Variants in FYCO1 observed in about 807,000 individuals in gnomAD.
The protein encoded by FYCO1 is FYVE and coiled-coil domain autophagy adaptor 1.
In FYCO1, 122 loss-of-function variants were observed where a neutral mutation model predicts 165.1. The observed-to-expected ratio is 0.74, with a 90% CI of 0.64 to 0.86. FYCO1 has a LOEUF of 0.86. Among genes scored for constraint, FYCO1 ranks in the 40% least tolerant of loss-of-function variants. The probability of loss-of-function intolerance (pLI) is 0.00; values close to 1 mark genes in which losing one functional copy is unlikely to be tolerated. For missense variants in FYCO1, 1,702 were observed against 1,810.3 expected, an observed-to-expected ratio of 0.94 and a Z score of 1.09; for synonymous variants, 648 against 742.5, an observed-to-expected ratio of 0.87 and a Z score of 2.07.
chr3:45,931,403 G>T, intron 15 of FYCO1, 122 bp from the exon 16 acceptor site: 1 of 877,686 alleles, frequency 1.1e-6, no homozygotes, highest in Non-Finnish European at 1.9e-6. Flanking sequence ...GACAAGCCCT[G>T]GGTAACCTTG....
At chr3:45,984,815 C>T in intron 2 of FYCO1, 41 bp downstream of exon 2, 1 of 1,609,058 alleles carries the variant, frequency 6.2e-7, no homozygotes, top group Non-Finnish European at 8.5e-7. Context: ...TGCCACAAGT[C>T]CCTCAAAACC....
chr3:45,938,963 C>T (rs1281862988), intron 14 of FYCO1, among the ~76,000 whole-genome samples: 1 of 152,214 alleles, frequency 6.6e-6, no homozygotes, highest in African/African-American at 2.4e-5. Flanking sequence ...TAGAGGGCAC[C>T]CCACCTCCTA....
chr3:45,923,239 T>G (rs759697637), intron 17 of FYCO1, among the ~76,000 whole-genome samples: 4 of 152,246 alleles, frequency 2.6e-5, no homozygotes, highest in Non-Finnish European at 5.9e-5. Context: ...TTTCTCCCTT[T>G]CTCGTTCATT....
intron 1 of FYCO1, among the ~76,000 whole-genome samples, chr3:45,995,122 G>C (rs559705416): frequency 6.7e-6 from 1 of 148,778 alleles, no homozygotes; most frequent in East Asian, 2.1e-4. Flanking sequence ...GAGACAACAG[G>C]TGTTTCGGGA....
At position 45,921,416 on chromosome 3, in the gene FYCO1, C is replaced by T; in HGVS notation, c.*349G>A. On this transcript the variant is annotated 3_prime_UTR_variant, in exon 18 of 18. Transcript: ENST00000296137. ...TCCACAGGCAGAAGTTGGAATCACC[C>T]CTGCCCGTGAAACTCTCCACAAGAG... 2.8e-6 allele frequency: 1 copy of T among 353,214 alleles called. No homozygotes were observed. The highest frequency in any genetic ancestry group is 5.5e-6 in the Non-Finnish European group (1 of 181,672). The allele number at this position is 353,214 out of a possible 1,614,324, so 21.9% of individuals were successfully genotyped here. A position where few individuals can be genotyped will look rare whatever the true frequency, so the allele number is the denominator to read the frequency against.
Position 45,975,307 on chromosome 3 carries a change from G to A in FYCO1, c.327C>T (p.Arg109=). The A allele has an allele frequency of 6.2e-7, 1 of 1,614,122 alleles. No individual in the cohort carries two copies. Among genetic ancestry groups the A allele is most frequent in the Non-Finnish European group, 8.5e-7 (1 of 1,179,976 alleles). ...CCAACCTCTGGTGCACCAAGGAGTA[G>A]CGAATAAATGCTCTTCCTTTCCCCA... is the stretch of plus-strand genomic sequence containing the variant. ...TSLGKGRAFI[R]YSLVHQRLAD... The change falls in exon 5 of 18, where the codon CGC becomes CGT. Residue 109 remains arginine, a synonymous_variant. Coordinates refer to ENST00000296137, the MANE Select transcript of FYCO1 (RefSeq NM_024513.4).
rs142801056 is a variant in FYCO1 at position 45,928,649 on chromosome 3, G to A, written c.4251+2422C>T. On this transcript the variant is annotated intron_variant, in intron 16 of 17. Transcript: ENST00000296137. ...TTCTCCTCAAGCCCACAGGTCCCTC[G>A]CCTCACCTCACAATGCTGCTTCTGG... Among the ~76,000 whole-genome samples the A allele has an allele frequency of 4.7e-3, 716 of 152,150 alleles. 9 individuals carry two copies. The highest frequency in any genetic ancestry group is 0.013 in the African/African-American group (556 of 41,496).
intron 8 of FYCO1, among the ~76,000 whole-genome samples, chr3:45,965,343 C>T (rs537760554): frequency 1.3e-5 from 2 of 152,296 alleles, no homozygotes; most frequent in East Asian, 3.9e-4. Flanking sequence ...TTAATTTCCG[C>T]AAGGGAAAAA....
At position 45,955,361 on chromosome 3, in the gene FYCO1, C is replaced by T. The variant is rs1025398210; in HGVS notation, c.3832G>A (p.Ala1278Thr). The change falls in exon 14 of 18, where the codon GCT becomes ACT. Residue 1278 changes from alanine (A) to threonine (T), a missense_variant. Coordinates refer to ENST00000296137, the MANE Select transcript of FYCO1 (RefSeq NM_024513.4). The part of the protein sequence containing the change: ...ANTDYRPPDD[A>T]VFDIITDEEL... ...TCATCTGTGATGATATCAAACACAG[C>T]GTCGTCCGGTGGCCTGTAGTCTGTA... The T allele has an allele frequency of 2.7e-5, 43 of 1,614,014 alleles. No individual in the cohort carries two copies. Among genetic ancestry groups the T allele is most frequent in the East Asian group, 4.5e-5 (2 of 44,892 alleles).
At chr3:45,933,978 T>G (rs1703761438) in intron 15 of FYCO1, among the ~76,000 whole-genome samples, 1 of 150,810 alleles carries the variant, frequency 6.6e-6, no homozygotes, top group African/African-American at 2.4e-5. Context: ...AACTAAATAA[T>G]TACAATAACC....
At chr3:45,954,953 C>T (rs182679731) in intron 14 of FYCO1, among the ~76,000 whole-genome samples, 27 of 152,264 alleles carry the variant, frequency 1.8e-4, no homozygotes, top group African/African-American at 4.1e-4. Context: ...ACCCGGTCTG[C>T]GGTATTTTAT....
intron 14 of FYCO1, chr3:45,938,348 A>C: frequency 3.2e-6 from 2 of 634,264 alleles, no homozygotes; most frequent in Non-Finnish European, 5.1e-6. Flanking sequence ...AGGTTTTCAA[A>C]CTGTAGGTCA....
chr3:45,973,321 C>A (rs1378253994), intron 5 of FYCO1, 90 bp from the exon 6 acceptor site: 3 of 1,291,642 alleles, frequency 2.3e-6, no homozygotes, highest in East Asian at 2.4e-5. Context: ...CATCGAATTC[C>A]AACTCAGGTT....
At position 45,979,766 on chromosome 3, in the gene FYCO1, G is replaced by A; in HGVS notation, c.227C>T (p.Ala76Val). 2 of 1,614,000 alleles carry A rather than the reference G, an allele frequency of 1.2e-6. No individual in the cohort carries two copies. The highest frequency in any genetic ancestry group is 2.7e-5 in the African/African-American group (2 of 75,052). The change falls in exon 4 of 18, where the codon GCC (alanine) becomes GTC (valine). Residue 76 changes from alanine to valine, a missense_variant. Transcript: ENST00000296137. ...GGCTCCTTTCACCTTGGCCAGGCAG[G>A]CACAGAAGTAATCCCAGTAGTCCTT... The part of the protein sequence containing the change: ...NKKDYWDYFC[A>V]CLAKVKGAND...
At chr3:45,965,264 TTTA>T (rs1350059677) in intron 8 of FYCO1, 139 bp from the exon 9 acceptor site, 7 of 669,090 alleles carry the variant, frequency 1.0e-5, no homozygotes, top group African/African-American at 1.8e-5. Flanking sequence ...GAGCTTTGGG[TTTA>T]TTAATAGTGA....
intron 15 of FYCO1, among the ~76,000 whole-genome samples, chr3:45,931,500 C>T (rs908323541): frequency 3.9e-5 from 6 of 152,150 alleles, no homozygotes; most frequent in East Asian, 3.9e-4. Context: ...GGTCTAGGCA[C>T]GGAGGAGACA....
At chr3:45,984,034 T>C (rs1026798803) in intron 2 of FYCO1, among the ~76,000 whole-genome samples, 1 of 152,208 alleles carries the variant, frequency 6.6e-6, no homozygotes, top group Admixed American at 6.5e-5. Context: ...CCTGGGCCTT[T>C]AGTCTGTCAG....
Position 45,921,441 on chromosome 3 carries a change from G to A in FYCO1, c.*324C>T, listed in dbSNP as rs1294247327. 2.6e-6 allele frequency: 1 copy of A among 380,034 alleles called. No individual in the cohort carries two copies. The highest frequency in any genetic ancestry group is 5.1e-6 in the Non-Finnish European group (1 of 197,364). The allele number at this position is 380,034 out of a possible 1,614,324, so 23.5% of individuals were successfully genotyped here. A position where few individuals can be genotyped will look rare whatever the true frequency, so the allele number is the denominator to read the frequency against. On this transcript the variant is annotated 3_prime_UTR_variant, in exon 18 of 18. Transcript: ENST00000296137. Reference sequence around the variant, plus strand: ...CCTGCCCGTGAAACTCTCCACAAGAGGCCTGTAGCCAACTGTGCTCCCAGG... The same window carrying A: ...CCTGCCCGTGAAACTCTCCACAAGAAGCCTGTAGCCAACTGTGCTCCCAGG...
rs1041716530 is a variant in FYCO1 at position 45,955,195 on chromosome 3, A to T, written c.3944+54T>A. The T allele has an allele frequency of 2.5e-6, 4 of 1,596,710 alleles. No homozygotes were observed. In the East Asian group the frequency reaches 8.9e-5, roughly 36 times the overall value. On this transcript the variant is annotated intron_variant, in intron 14 of 17. Transcript: ENST00000296137. ...TTTCCTCATCCTTTGATAAGAAAGC[A>T]CAGGGGCCAGGCCTGTAATGAGCAC...
Sources: allele counts gnomAD v4.1 joint callset (sites outside exome capture counted in the v4.1 genomes callset), GRCh38; gene constraint gnomAD v4.1.1; transcripts MANE v1.5; gene names NCBI Gene and HGNC (gene_info 2026-07-23, HGNC 2026-07-21).